CYP2C18: variants seen among roughly 807,000 people sequenced by gnomAD.
The protein encoded by CYP2C18 is cytochrome P450 family 2 subfamily C member 18.
A neutral mutation model predicts 41.3 loss-of-function variants in CYP2C18; 38 were observed. The ratio of observed to expected loss-of-function variants is 0.92; its 90% confidence interval spans 0.71 to 1.21. CYP2C18 has a LOEUF of 1.21. Ranked by LOEUF, CYP2C18 falls within the 50% of genes most tolerant of loss-of-function variation. The pLI is 0.00. For synonymous variants in CYP2C18, 236 were observed against 210.0 expected (o/e 1.12, Z -1.07); for missense variants, 635 against 591.4 (o/e 1.07, Z -0.77).
At chr10:94,706,136 G>T (rs906715970) in intron 4 of CYP2C18, among the ~76,000 whole-genome samples, 5 of 152,174 alleles carry the variant, frequency 3.3e-5, no homozygotes, top group Non-Finnish European at 7.3e-5. Context: ...ATGACAAAAT[G>T]ATTGGATTTT....
chr10:94,683,857 G>A lies in CYP2C18; in HGVS notation c.38G>A (p.Cys13Tyr). The A allele has an allele frequency of 6.2e-7, 1 of 1,610,416 alleles. No homozygotes were observed. The highest frequency in any genetic ancestry group is 8.5e-7 in the Non-Finnish European group (1 of 1,178,352). Residue 13 changes from cysteine (C) to tyrosine (Y), a missense_variant, in exon 1 of 9, where the codon TGT becomes TAT. Physicochemically the swap from Cys to Tyr is radical, Grantham distance 194 (BLOSUM62 -2). Transcript: ENST00000285979. ...PAVALVLCLS[C>Y]LFLLSLWRQS... ...GTGGCTCTGGTGCTCTGTCTCTCCT[G>A]TTTGTTTCTCCTTTCACTCTGGAGG...
chr10:94,706,604 A>G (rs533680182), intron 4 of CYP2C18, among the ~76,000 whole-genome samples, 180 bp from the exon 5 acceptor site: 3 of 152,254 alleles, frequency 2.0e-5, no homozygotes, highest in South Asian at 2.1e-4. Flanking sequence ...CTTGTTCAGA[A>G]TTTTCTAACT....
chr10:94,718,065 T>TATCAA (rs1847585469), intron 5 of CYP2C18, among the ~76,000 whole-genome samples: 1 of 152,072 alleles, frequency 6.6e-6, no homozygotes, highest in South Asian at 2.1e-4. Flanking sequence ...ATTTTAACAA[T>TATCAA]ATCAACTCTT....
intron 4 of CYP2C18, among the ~76,000 whole-genome samples, chr10:94,702,030 ATTCTT>A (rs1412411207): frequency 6.6e-6 from 1 of 152,178 alleles, no homozygotes; most frequent in Non-Finnish European, 1.5e-5. Context: ...TTGGTTGAAA[ATTCTT>A]TTCTTTAAAA....
At chr10:94,729,847 A>G (rs1396636242) in intron 7 of CYP2C18, among the ~76,000 whole-genome samples, 1 of 152,160 alleles carries the variant, frequency 6.6e-6, no homozygotes, top group Non-Finnish European at 1.5e-5. Context: ...TTATTTATCA[A>G]CAAAGAGAAG....
chr10:94,723,800 A>G (rs1847687506), intron 6 of CYP2C18, among the ~76,000 whole-genome samples: 1 of 152,128 alleles, frequency 6.6e-6, no homozygotes, highest in Non-Finnish European at 1.5e-5. Flanking sequence ...AAATAAAAAG[A>G]GAGTCAGTAT....
intron 3 of CYP2C18, among the ~76,000 whole-genome samples, chr10:94,692,946 A>G (rs1847035888): frequency 6.6e-6 from 1 of 151,164 alleles, no homozygotes; most frequent in Non-Finnish European, 1.5e-5. Flanking sequence ...TCTCACTCAT[A>G]GGTGGGAATT....
intron 3 of CYP2C18, among the ~76,000 whole-genome samples, chr10:94,688,888 T>G (rs1846946242): frequency 6.6e-6 from 1 of 152,206 alleles, no homozygotes; most frequent in African/African-American, 2.4e-5. Flanking sequence ...ATAGTGGGAA[T>G]GACTTCTTTA....
intron 5 of CYP2C18, among the ~76,000 whole-genome samples, chr10:94,710,536 G>C (rs372508078): frequency 6.6e-6 from 1 of 152,114 alleles, no homozygotes; most frequent in Non-Finnish European, 1.5e-5. Flanking sequence ...CATTTATTTA[G>C]ATCTTCTTTA....
chr10:94,733,009 C>T (rs943203991), intron 7 of CYP2C18, among the ~76,000 whole-genome samples: 5 of 152,052 alleles, frequency 3.3e-5, no homozygotes, highest in African/African-American at 1.2e-4. Context: ...TGGGGATGTA[C>T]ACCAGGGTCC....
intron 4 of CYP2C18, among the ~76,000 whole-genome samples, chr10:94,697,604 T>C (rs1164894271): frequency 6.6e-6 from 1 of 152,170 alleles, no homozygotes; most frequent in East Asian, 1.9e-4. Flanking sequence ...AACATCATAA[T>C]GACAGGATCA....
intron 5 of CYP2C18, among the ~76,000 whole-genome samples, chr10:94,716,793 C>T (rs1387489232): frequency 1.3e-5 from 2 of 152,014 alleles, no homozygotes; most frequent in African/African-American, 4.8e-5. Context: ...TTAAAGTCTC[C>T]CATTATTGTT....
At position 94,697,900 on chromosome 10, in the gene CYP2C18, G is replaced by A. The variant is rs879599353; in HGVS notation, c.642+2823G>A. Among the ~76,000 whole-genome samples the A allele has an allele frequency of 4.6e-4, 70 of 152,290 alleles. 1 individual carries two copies. The highest frequency in any genetic ancestry group is 8.1e-4 in the Non-Finnish European group (55 of 68,018). ...AGACAAACAAGGCCATTACATAATG[G>A]TAAAGGGATCAATTCAACAAGAAGA... On this transcript the variant is annotated intron_variant, in intron 4 of 8. Coordinates refer to ENST00000285979, the MANE Select transcript of CYP2C18 (RefSeq NM_000772.3).
chr10:94,735,092 A>T (rs1174805881), intron 8 of CYP2C18, among the ~76,000 whole-genome samples, 171 bp from the exon 9 acceptor site: 2 of 148,730 alleles, frequency 1.3e-5, no homozygotes, highest in Non-Finnish European at 3.0e-5. Context: ...TATTAAGTAG[A>T]TAGGAAGTGT....
chr10:94,726,773 A>G (rs1847750328), intron 7 of CYP2C18, among the ~76,000 whole-genome samples: 1 of 152,120 alleles, frequency 6.6e-6, no homozygotes, highest in Admixed American at 6.6e-5. Context: ...CTTCTAACAC[A>G]TGGTTTCTGT....
intron 1 of CYP2C18, among the ~76,000 whole-genome samples, chr10:94,685,988 G>T (rs1218063662): frequency 1.3e-5 from 2 of 152,050 alleles, no homozygotes; most frequent in African/African-American, 4.8e-5. Flanking sequence ...GGGTAATATG[G>T]ACATTTTTCC....
chr10:94,733,895 G>A (rs530400708), intron 8 of CYP2C18, among the ~76,000 whole-genome samples: 28 of 152,152 alleles, frequency 1.8e-4, no homozygotes, highest in Admixed American at 1.8e-3. Flanking sequence ...CTGATTTAGA[G>A]AAGTAGACAA....
intron 4 of CYP2C18, among the ~76,000 whole-genome samples, chr10:94,700,627 T>C (rs1482185546): frequency 1.3e-5 from 2 of 152,142 alleles, no homozygotes; most frequent in Non-Finnish European, 2.9e-5. Flanking sequence ...GACAAATGGA[T>C]CTAATTAAAC....
At chr10:94,697,209 A>C (rs1847134678) in intron 4 of CYP2C18, among the ~76,000 whole-genome samples, 1 of 152,200 alleles carries the variant, frequency 6.6e-6, no homozygotes, top group South Asian at 2.1e-4. Flanking sequence ...TGAAGGAAAA[A>C]ATGTTAAGGG....
Sources: gnomAD v4.1 joint callset for allele counts (sites outside exome capture counted in the v4.1 genomes callset) on GRCh38, gnomAD v4.1.1 for gene constraint, MANE v1.5 for transcripts, NCBI Gene and HGNC (gene_info 2026-07-23, HGNC 2026-07-21) for gene names.